Variants in RIN2 observed in about 807,000 individuals in gnomAD.
The protein encoded by RIN2 is RAB5 interacting protein 2.
Under a neutral mutation model 78.0 loss-of-function variants are expected in RIN2, and 36 were observed. The observed-to-expected ratio is 0.46, with a 90% CI of 0.35 to 0.61. The LOEUF is 0.61. Among genes scored for constraint, RIN2 ranks in the 20% least tolerant of loss-of-function variants. The pLI is 0.00. For missense variants in RIN2, 1,087 were observed against 1,159.7 expected (o/e 0.94, Z 0.91); for synonymous variants, 466 against 466.8 (o/e 1.00, Z 0.02).
chr20:19,882,688 A>G (rs1339223050), intron 2 of RIN2, among the ~76,000 whole-genome samples: 1 of 152,212 alleles, frequency 6.6e-6, no homozygotes, highest in African/African-American at 2.4e-5. Context: ...ATGTTGTGTG[A>G]CCACTGATCA....
rs769041049 is a variant in RIN2, at chr20:19,990,338, G to C, written c.2068+27G>C. ...TGAGGCCGCTGGAAGCCCAGGCTTC[G>C]TGCCGCTTCCCTTCCGGGCCGGGGA... On this transcript the variant is annotated intron_variant, in intron 10 of 12. Transcript: ENST00000255006. 8 of 1,585,962 alleles carry C rather than the reference G, an allele frequency of 5.0e-6. No individual in the cohort carries two copies. The South Asian group carries it at 5.8e-5, about 11-fold the overall frequency.
At chr20:19,996,295 C>T (rs935683248) in intron 11 of RIN2, among the ~76,000 whole-genome samples, 5 of 152,092 alleles carry the variant, frequency 3.3e-5, no homozygotes, top group African/African-American at 9.7e-5. Flanking sequence ...GCCTGGGTGA[C>T]AAAGCAAGAC....
rs10605325 is a variant in RIN2, at chr20:19,764,918, G to GTTTTTTTTTTTTTTTTTTT, written c.-163+6598_-163+6616dup. On this transcript the variant is annotated intron_variant, in intron 1 of 12. Transcript: ENST00000255006. ...GGGCAAGTCCCACTTCACTTTCTGCGTTTTTTTTTTTTTTTTTTTTTTTTT... is the reference window on the plus strand; with the variant it reads ...GGGCAAGTCCCACTTCACTTTCTGCGTTTTTTTTTTTTTTTTTTTTTTTTTTTTTTTTTTTTTTTTTTTT... Among the ~76,000 whole-genome samples, 29 of 50,390 alleles carry GTTTTTTTTTTTTTTTTTTT rather than the reference G, an allele frequency of 5.8e-4. 9 individuals carry two copies. In the South Asian group the frequency reaches 6.0e-3, roughly 10 times the overall value. 33.1% of individuals were successfully genotyped at this position (50,390 alleles called of 152,430 possible). A position where few individuals can be genotyped will look rare whatever the true frequency, so the allele number is the denominator to read the frequency against.
In RIN2 at chr20:20,001,354, T is replaced by G. The variant is rs8116307; in HGVS notation, c.*418T>G. 7.0e-6 allele frequency: 1 copy of G among 142,176 alleles called. No individual in the cohort carries two copies. Among genetic ancestry groups the G allele is most frequent in the African/African-American group, 2.7e-5 (1 of 36,822 alleles). The allele number at this position is 142,176 out of a possible 1,614,324, so 8.8% of individuals were successfully genotyped here. A position where few individuals can be genotyped will look rare whatever the true frequency, so the allele number is the denominator to read the frequency against. On this transcript the variant is annotated 3_prime_UTR_variant, in exon 13 of 13. Transcript: ENST00000255006. ...GGCTTCATCCCTGCCTTCCTTCCTTTCTTTTTCCTTTTTTTTTTTTTTTTT... is the reference window on the plus strand; with the variant it reads ...GGCTTCATCCCTGCCTTCCTTCCTTGCTTTTTCCTTTTTTTTTTTTTTTTT...
chr20:19,838,379 C>T (rs948243517), intron 2 of RIN2, among the ~76,000 whole-genome samples: 2 of 152,150 alleles, frequency 1.3e-5, no homozygotes, highest in Admixed American at 6.5e-5. Flanking sequence ...GTATGATCTA[C>T]GTACTATAAG....
intron 4 of RIN2, among the ~76,000 whole-genome samples, chr20:19,942,168 A>G (rs992251941): frequency 2.0e-4 from 31 of 152,214 alleles, no homozygotes; most frequent in African/African-American, 7.2e-4. Flanking sequence ...CCAAAATACC[A>G]TGAGAGTGGA....
intron 2 of RIN2, among the ~76,000 whole-genome samples, chr20:19,801,187 T>C (rs1359528779): frequency 6.6e-6 from 1 of 152,248 alleles, no homozygotes; most frequent in African/African-American, 2.4e-5. Flanking sequence ...GGAAGCTGTC[T>C]ACCTTCCCTC....
chr20:19,836,614 T>C (rs1028885724), intron 2 of RIN2, among the ~76,000 whole-genome samples: 1 of 152,156 alleles, frequency 6.6e-6, no homozygotes, highest in Non-Finnish European at 1.5e-5. Flanking sequence ...TCTCTCTCTC[T>C]CCATTTATCT....
chr20:19,896,659 C>T (rs763571524), intron 3 of RIN2, among the ~76,000 whole-genome samples: 5 of 152,166 alleles, frequency 3.3e-5, no homozygotes, highest in Non-Finnish European at 7.3e-5. Context: ...ACAATTTACT[C>T]ATAATAGTAT....
intron 2 of RIN2, among the ~76,000 whole-genome samples, chr20:19,859,433 A>G (rs2037266282): frequency 6.6e-6 from 1 of 152,242 alleles, no homozygotes; most frequent in Non-Finnish European, 1.5e-5. Context: ...GATACTGTGC[A>G]TAAAATGCCA....
Position 19,935,155 on chromosome 20 carries a change from A to G in RIN2, c.114A>G (p.Thr38=), listed in dbSNP as rs1011420867. Residue 38 remains threonine (T), a synonymous_variant, in exon 4 of 13, where the codon ACA becomes ACG. Transcript: ENST00000255006. ...IGELKQEMVR[T]DVNLENGLEP... ...AACTGAAACAGGAGATGGTGCGGACAGATGTCAACCTGGAAAATGGCCTGG... is the reference window on the plus strand; with the variant it reads ...AACTGAAACAGGAGATGGTGCGGACGGATGTCAACCTGGAAAATGGCCTGG... 6.2e-6 allele frequency: 10 copies of G among 1,605,120 alleles called. No individual in the cohort carries two copies. Among genetic ancestry groups the G allele is most frequent in the Non-Finnish European group, 8.5e-6 (10 of 1,175,800 alleles).
rs2037601210 is a variant in RIN2 at position 19,869,096 on chromosome 20, A to AAC, written c.-36-20469_-36-20468insCA. 2.0e-5 allele frequency among the ~76,000 whole-genome samples: 3 copies of AAC among 151,856 alleles called. No homozygotes were observed. In the South Asian group the frequency reaches 6.2e-4, roughly 32 times the overall value. On this transcript the variant is annotated intron_variant, in intron 2 of 12. Coordinates refer to ENST00000255006, the MANE Select transcript of RIN2 (RefSeq NM_018993.4). Reference sequence around the variant, plus strand: ...GACTCCGTCTCAAAAAAAAAAAAAAAAAAAAAAAGTGTTCACCAGGTGGTG... The same window carrying AAC: ...GACTCCGTCTCAAAAAAAAAAAAAAAACAAAAAAAAGTGTTCACCAGGTGGTG...
intron 8 of RIN2, 139 bp from the exon 9 acceptor site, chr20:19,974,515 A>G: frequency 1.3e-6 from 1 of 790,602 alleles, no homozygotes. Flanking sequence ...AAAGGAATGC[A>G]GTAAACCTGA....
chr20:19,871,049 C>T (rs1192044762), intron 2 of RIN2, among the ~76,000 whole-genome samples: 3 of 152,122 alleles, frequency 2.0e-5, no homozygotes, highest in Admixed American at 6.5e-5. Flanking sequence ...CATAAAAATT[C>T]CTAGCTGATT....
At chr20:19,887,093 A>G (rs1053328604) in intron 2 of RIN2, among the ~76,000 whole-genome samples, 4 of 151,632 alleles carry the variant, frequency 2.6e-5, no homozygotes. Flanking sequence ...TGGTGCGATC[A>G]TGGCTCACTG....
At chr20:19,835,073 AAGAG>A (rs1555829777) in intron 2 of RIN2, among the ~76,000 whole-genome samples, 1 of 88,658 alleles carries the variant, frequency 1.1e-5, no homozygotes, top group Non-Finnish European at 2.4e-5. Flanking sequence ...GAAAAAGAGA[AAGAG>A]AAAGAAAGAG....
intron 4 of RIN2, chr20:19,935,698 C>A: frequency 1.2e-6 from 1 of 843,348 alleles, no homozygotes; most frequent in African/African-American, 1.8e-5. Flanking sequence ...AAATTCGATA[C>A]AAAGGGAAGG....
chr20:19,861,203 A>T (rs890429977), intron 2 of RIN2, among the ~76,000 whole-genome samples: 3 of 152,130 alleles, frequency 2.0e-5, no homozygotes, highest in Admixed American at 6.5e-5. Flanking sequence ...TCCACCTCCT[A>T]AACTCCTATT....
At chr20:19,988,619 G>C (rs950601671) in intron 9 of RIN2, among the ~76,000 whole-genome samples, 1 of 152,116 alleles carries the variant, frequency 6.6e-6, no homozygotes, top group African/African-American at 2.4e-5. Context: ...CCTTCAGCCC[G>C]CATCTCTGGA....
Sources: gnomAD v4.1 joint callset for allele counts (sites outside exome capture counted in the v4.1 genomes callset) on GRCh38, gnomAD v4.1.1 for gene constraint, MANE v1.5 for transcripts, NCBI Gene and HGNC (gene_info 2026-07-23, HGNC 2026-07-21) for gene names.